The following NXPE2 variants were observed in gnomAD, a reference collection of about 807,000 sequenced individuals.
NXPE2 encodes the protein neurexophilin and PC-esterase domain family member 2, also known as NXPE family member 2.
NXPE2 carries 34 observed loss-of-function variants against 34.4 expected under a neutral mutation model. The observed-to-expected ratio is 0.99, with a 90% CI of 0.75 to 1.31. NXPE2 has a LOEUF of 1.31. NXPE2 is among the 40% of genes most tolerant of loss of function. NXPE2 has a pLI of 0.00. For missense variants in NXPE2, 649 were observed against 672.5 expected (o/e 0.97, Z 0.39); for synonymous variants, 235 against 231.3 (o/e 1.02, Z -0.15).
At chr11:114,785,763 A>G in the NXPE2 span, among the ~76,000 whole-genome samples, 417 of 152,338 alleles carry the variant, frequency 2.7e-3, 7 homozygotes, top group East Asian at 3.9e-3. Flanking sequence ...ATTTGTATCA[A>G]TAATACTGAG....
the NXPE2 span, chr11:114,526,681 A>G: frequency 6.6e-6 from 1 of 152,232 alleles, no homozygotes; most frequent in Non-Finnish European, 1.5e-5. Context: ...GAAGAAGTCC[A>G]TGATGACTTT....
At chr11:114,548,267 G>A in the NXPE2 span, among the ~76,000 whole-genome samples, 1 of 152,044 alleles carries the variant, frequency 6.6e-6, no homozygotes, top group African/African-American at 2.4e-5. Context: ...TTTATAGCAT[G>A]CCAAGTGAAC....
the NXPE2 span, among the ~76,000 whole-genome samples, chr11:114,735,667 C>T: frequency 6.6e-6 from 1 of 152,168 alleles, no homozygotes; most frequent in African/African-American, 2.4e-5. Flanking sequence ...TCCTCAACAT[C>T]ATGTAAAAAA....
chr11:114,639,786 A>T, the NXPE2 span, among the ~76,000 whole-genome samples: 1,275 of 125,534 alleles, frequency 0.01, 24 homozygotes, highest in African/African-American at 0.038. Context: ...ATAAAATATA[A>T]TATATATTAT....
At chr11:114,642,983 G>A in the NXPE2 span, among the ~76,000 whole-genome samples, 11 of 152,022 alleles carry the variant, frequency 7.2e-5, no homozygotes, top group African/African-American at 2.7e-4. Context: ...GTGGTTTTGT[G>A]GTTTTGATTT....
At chr11:114,497,676 C>A in the NXPE2 span, among the ~76,000 whole-genome samples, 1,505 of 152,292 alleles carry the variant, frequency 9.9e-3, 30 homozygotes, top group African/African-American at 0.034. Context: ...TGTACAACAA[C>A]AACATTGCTT....
At chr11:114,744,260 C>T in the NXPE2 span, among the ~76,000 whole-genome samples, 32 of 152,184 alleles carry the variant, frequency 2.1e-4, no homozygotes, top group East Asian at 5.8e-3. Context: ...TTGGCCAAAA[C>T]GTCTGTTACT....
At chr11:114,623,534 T>A in the NXPE2 span, among the ~76,000 whole-genome samples, 2 of 152,128 alleles carry the variant, frequency 1.3e-5, no homozygotes, top group Non-Finnish European at 2.9e-5. Context: ...GGATAAACAC[T>A]GTTACCTGGC....
the NXPE2 span, among the ~76,000 whole-genome samples, chr11:114,802,958 G>T: frequency 6.6e-6 from 1 of 152,124 alleles, no homozygotes; most frequent in Admixed American, 6.5e-5. Context: ...TCTGATTCCA[G>T]GGGTGATGTG....
chr11:114,769,854 T>C, the NXPE2 span, among the ~76,000 whole-genome samples: 1 of 152,190 alleles, frequency 6.6e-6, no homozygotes, highest in Non-Finnish European at 1.5e-5. Context: ...GAGAAATACC[T>C]ATGGTAGATG....
At chr11:114,695,895 G>A (rs1951243135) in intron 2 of NXPE2, among the ~76,000 whole-genome samples, 1 of 150,882 alleles carries the variant, frequency 6.6e-6, no homozygotes, top group Non-Finnish European at 1.5e-5. Flanking sequence ...GGGCGCACCT[G>A]TAATCCCAGC....
At chr11:114,465,582 T>G in the NXPE2 span, among the ~76,000 whole-genome samples, 16 of 152,332 alleles carry the variant, frequency 1.1e-4, no homozygotes, top group Admixed American at 3.3e-4. Context: ...TCTAAGGTTT[T>G]GGCAATATTT....
At chr11:114,774,402 G>T in the NXPE2 span, among the ~76,000 whole-genome samples, 1 of 152,208 alleles carries the variant, frequency 6.6e-6, no homozygotes, top group Non-Finnish European at 1.5e-5. Context: ...TTTCAGTGGA[G>T]AATCTGAAAA....
At chr11:114,648,055 T>C in the NXPE2 span, among the ~76,000 whole-genome samples, 11 of 152,292 alleles carry the variant, frequency 7.2e-5, no homozygotes, top group Non-Finnish European at 1.5e-4. Context: ...CCCTGTGGTA[T>C]ATAAGACATA....
chr11:114,530,054 CAT>C, the NXPE2 span: 1 of 1,033,810 alleles, frequency 9.7e-7, no homozygotes, highest in Non-Finnish European at 1.4e-6. Flanking sequence ...GAAGACACCA[CAT>C]GTCTTACCTT....
the NXPE2 span, among the ~76,000 whole-genome samples, chr11:114,557,669 ATAT>A: frequency 1.7e-4 from 20 of 114,660 alleles, no homozygotes; most frequent in Admixed American, 4.5e-4. Flanking sequence ...ATATATATAT[ATAT>A]AAAATCCTTG....
the NXPE2 span, chr11:114,523,101 A>G: frequency 3.1e-6 from 5 of 1,595,000 alleles, no homozygotes; most frequent in Non-Finnish European, 3.4e-6. Context: ...TCTGGTAACA[A>G]AGACACTCGT....
At chr11:114,676,909 A>G (rs961352380), upstream of NXPE2, among the ~76,000 whole-genome samples, 5 of 152,018 alleles carry the variant, frequency 3.3e-5, no homozygotes, top group Non-Finnish European at 7.4e-5. Context: ...TATACACATA[A>G]ACAGTTGGGT....
the NXPE2 span, among the ~76,000 whole-genome samples, chr11:114,619,404 G>T: frequency 7.4e-6 from 1 of 134,674 alleles, no homozygotes; most frequent in Non-Finnish European, 1.6e-5. Context: ...ACCCAGTGGA[G>T]GATAAGTGTT....
Sources: gnomAD v4.1 joint callset for allele counts (sites outside exome capture counted in the v4.1 genomes callset) on GRCh38, gnomAD v4.1.1 for gene constraint, MANE v1.5 for transcripts, NCBI Gene and HGNC (gene_info 2026-07-23, HGNC 2026-07-21) for gene names.